CAMTA1: variants seen among roughly 807,000 people sequenced by gnomAD.
The protein encoded by CAMTA1 is calmodulin-binding transcription activator 1.
In CAMTA1, 27 loss-of-function variants were observed where a neutral mutation model predicts 170.9. The ratio of observed to expected loss-of-function variants is 0.16; its 90% CI spans 0.12 to 0.22. CAMTA1 has a LOEUF of 0.22. Among genes scored for constraint, CAMTA1 ranks in the 10% least tolerant of loss-of-function variants. The pLI is 1.00. For missense variants in CAMTA1, 1,619 were observed against 2,217.2 expected (o/e 0.73, Z 5.42); for synonymous variants, 833 against 891.5 (o/e 0.93, Z 1.17).
intron 11 of CAMTA1, among the ~76,000 whole-genome samples, chr1:7,697,901 C>T (rs990897811): frequency 1.8e-4 from 28 of 152,300 alleles, no homozygotes; most frequent in African/African-American, 6.5e-4. Context: ...ACAAGCCAAC[C>T]CAAAGCTGAA....
intron 3 of CAMTA1, among the ~76,000 whole-genome samples, chr1:7,019,557 C>G (rs889369002): frequency 1.3e-5 from 2 of 152,150 alleles, no homozygotes; most frequent in African/African-American, 4.8e-5. Flanking sequence ...CACCAGCGAC[C>G]CTTTCCTTCC....
At chr1:7,168,104 A>T in intron 4 of CAMTA1, among the ~76,000 whole-genome samples, 1 of 152,352 alleles carries the variant, frequency 6.6e-6, no homozygotes, top group Admixed American at 6.5e-5. Flanking sequence ...TATAAACTTT[A>T]GCTTTTAAAT....
Position 7,585,136 on chromosome 1 carries a change from A to G in CAMTA1, c.511-55264A>G, listed in dbSNP as rs1413412605. On this transcript the variant is annotated intron_variant, in intron 6 of 22. Coordinates refer to ENST00000303635, the MANE Select transcript of CAMTA1 (RefSeq NM_015215.4). This position sits in a 1 kb window ranked among gnomAD's most constrained non-coding sequence, Gnocchi z 4.8. ...AAGTAGCCTCACATCAGTTCAGGTC[A>G]CGTTTTGCCACCAAATGAGTTATGA... 2.0e-5 allele frequency among the ~76,000 whole-genome samples: 3 copies of G among 152,218 alleles called. No homozygotes were observed. The highest frequency in any genetic ancestry group is 2.0e-4 in the Admixed American group (3 of 15,280).
chr1:7,442,291 C>T (rs1051494854), intron 5 of CAMTA1, among the ~76,000 whole-genome samples: 1 of 152,128 alleles, frequency 6.6e-6, no homozygotes, highest in African/African-American at 2.4e-5. Flanking sequence ...AGGAGACAAC[C>T]GTGTTGACAG....
In CAMTA1 at chr1:7,501,618, G is replaced by GTT. The variant is rs56182115; in HGVS notation, c.510+33726_510+33727dup. On this transcript the variant is annotated intron_variant, in intron 6 of 22. Coordinates refer to ENST00000303635, the MANE Select transcript of CAMTA1 (RefSeq NM_015215.4). Reference sequence around the variant, plus strand: ...ACTTTTGAAATTCGGATAAACAACAGTTTTTTTTTTATTTTAGTCTAGGTA... The same window carrying GTT: ...ACTTTTGAAATTCGGATAAACAACAGTTTTTTTTTTTTATTTTAGTCTAGGTA... Among the ~76,000 whole-genome samples the GTT allele has an allele frequency of 2.1e-3, 313 of 149,582 alleles. 3 individuals carry two copies. Among genetic ancestry groups the GTT allele is most frequent in the African/African-American group, 3.6e-3 (147 of 40,552 alleles).
chr1:7,552,191 ACCC>A (rs56349198), intron 6 of CAMTA1, among the ~76,000 whole-genome samples: 1 of 151,348 alleles, frequency 6.6e-6, no homozygotes, highest in African/African-American at 2.4e-5. Flanking sequence ...AGGCCACCAC[ACCC>A]CCCCAGTGCC....
chr1:7,204,820 T>C (rs113328770), intron 4 of CAMTA1, among the ~76,000 whole-genome samples: 1 of 125,428 alleles, frequency 8.0e-6, no homozygotes, highest in Non-Finnish European at 1.6e-5. Flanking sequence ...TTTTTTTTTT[T>C]TCTTTTTTTC....
intron 5 of CAMTA1, among the ~76,000 whole-genome samples, chr1:7,304,644 T>C (rs2149573690): frequency 6.6e-6 from 1 of 152,156 alleles, no homozygotes; most frequent in Middle Eastern, 3.4e-3. Flanking sequence ...CTTACAGTTT[T>C]ACTTTAAATT....
intron 4 of CAMTA1, among the ~76,000 whole-genome samples, chr1:7,236,113 C>T (rs1663805999): frequency 6.6e-6 from 1 of 152,134 alleles, no homozygotes; most frequent in Non-Finnish European, 1.5e-5. Context: ...TGCTCCTTGT[C>T]CCCCAAATCG....
At chr1:7,162,394 T>C (rs1647387025) in intron 4 of CAMTA1, among the ~76,000 whole-genome samples, 1 of 152,302 alleles carries the variant, frequency 6.6e-6, no homozygotes, top group African/African-American at 2.4e-5. Context: ...CAGTGTGTCT[T>C]AGAACCCTAA....
chr1:6,910,595 G>A (rs1679488581), intron 3 of CAMTA1, among the ~76,000 whole-genome samples: 1 of 152,192 alleles, frequency 6.6e-6, no homozygotes, highest in South Asian at 2.1e-4. Flanking sequence ...GTTGGAAAGC[G>A]GGTCTCTGCA....
chr1:7,086,118 C>T (rs1344691063), intron 3 of CAMTA1, among the ~76,000 whole-genome samples: 2 of 152,048 alleles, frequency 1.3e-5, no homozygotes, highest in South Asian at 2.1e-4. Flanking sequence ...CCTTGGCGGC[C>T]GTTTTTCTAC....
chr1:7,112,187 CT>C (rs1644102138), intron 4 of CAMTA1, among the ~76,000 whole-genome samples: 1 of 152,198 alleles, frequency 6.6e-6, no homozygotes, highest in Non-Finnish European at 1.5e-5. Flanking sequence ...GAGCTGCTGG[CT>C]GCTGGGCTGT....
chr1:7,238,453 G>T (rs894870939), intron 4 of CAMTA1, among the ~76,000 whole-genome samples: 2 of 152,222 alleles, frequency 1.3e-5, no homozygotes, highest in African/African-American at 4.8e-5. Context: ...GTTAATGTAC[G>T]TGAAGAATAG....
At chr1:7,134,430 AC>A (rs1645432338) in intron 4 of CAMTA1, among the ~76,000 whole-genome samples, 1 of 152,142 alleles carries the variant, frequency 6.6e-6, no homozygotes, top group African/African-American at 2.4e-5. Context: ...AGTAGCTGAA[AC>A]TACAGGCCTG....
chr1:7,054,415 C>T (rs1269437672), intron 3 of CAMTA1, among the ~76,000 whole-genome samples: 2 of 152,250 alleles, frequency 1.3e-5, no homozygotes, highest in Non-Finnish European at 2.9e-5. Context: ...ACATCATGCA[C>T]ATCTTCGCCT....
At chr1:7,686,578 T>C (rs1220786109) in intron 11 of CAMTA1, among the ~76,000 whole-genome samples, 1 of 149,914 alleles carries the variant, frequency 6.7e-6, no homozygotes. Context: ...TCACCAAGAG[T>C]AGGGGGCTGG....
At chr1:7,110,152 T>G (rs1643925791) in intron 4 of CAMTA1, among the ~76,000 whole-genome samples, 1 of 152,220 alleles carries the variant, frequency 6.6e-6, no homozygotes, top group Admixed American at 6.5e-5. Flanking sequence ...TTCTGAAATC[T>G]GGATCCCACC....
chr1:7,334,630 T>G (rs894245617), intron 5 of CAMTA1, among the ~76,000 whole-genome samples: 1 of 152,216 alleles, frequency 6.6e-6, no homozygotes, highest in African/African-American at 2.4e-5. Context: ...GTTCCTCCCC[T>G]GACATTCCCA....
Sources: gnomAD v4.1 joint callset for allele counts (sites outside exome capture counted in the v4.1 genomes callset) on GRCh38, gnomAD v4.1.1 for gene constraint, Gnocchi (gnomAD v3.1) non-coding constraint, MANE v1.5 for transcripts, NCBI Gene and HGNC (gene_info 2026-07-23, HGNC 2026-07-21) for gene names.